PRKAR1B: variants seen among roughly 807,000 people sequenced by gnomAD.
PRKAR1B encodes the protein cAMP-dependent protein kinase type I-beta regulatory subunit.
In PRKAR1B, 22 loss-of-function variants were observed where a neutral mutation model predicts 46.5. The ratio of observed to expected loss-of-function variants is 0.47; its 90% confidence interval spans 0.34 to 0.68. PRKAR1B has a LOEUF of 0.68. Ranked by LOEUF, PRKAR1B falls within the 30% of genes least tolerant of loss-of-function variation. The probability of loss-of-function intolerance (pLI) is 0.01; values close to 1 mark genes in which losing one functional copy is unlikely to be tolerated. For synonymous variants in PRKAR1B, 259 were observed against 217.7 expected (o/e 1.19, Z -1.67); for missense variants, 445 against 535.6 (o/e 0.83, Z 1.67).
At chr7:684,868 T>TCATACAGA (rs1554303001) in intron 2 of PRKAR1B, among the ~76,000 whole-genome samples, 6 of 130,764 alleles carry the variant, frequency 4.6e-5, no homozygotes, top group African/African-American at 1.8e-4. Flanking sequence ...TCCACCCACT[T>TCATACAGA]CACACAGACA....
intron 9 of PRKAR1B, among the ~76,000 whole-genome samples, chr7:564,754 C>T (rs1342058510): frequency 6.6e-6 from 1 of 152,238 alleles, no homozygotes; most frequent in Non-Finnish European, 1.5e-5. Flanking sequence ...CCAGGACCAA[C>T]AGGCCCAGGG....
At chr7:553,486 C>T (rs1784377285) in intron 9 of PRKAR1B, among the ~76,000 whole-genome samples, 3 of 152,218 alleles carry the variant, frequency 2.0e-5, no homozygotes, top group African/African-American at 7.2e-5. Flanking sequence ...AGCTGAGGCC[C>T]AGGAAGGTGG....
Position 609,160 on chromosome 7 carries a change from CCGGTGGGGACATTTCCTGGCCA to C in PRKAR1B, c.441-1730_441-1709del, listed in dbSNP as rs1469445532. Among the ~76,000 whole-genome samples the C allele has an allele frequency of 1.1e-4, 16 of 152,266 alleles. No homozygotes were observed. In the East Asian group the frequency reaches 3.1e-3, roughly 29 times the overall value. On this transcript the variant is annotated intron_variant, in intron 4 of 10. Coordinates refer to ENST00000537384, the MANE Select transcript of PRKAR1B (RefSeq NM_001164760.2). ...CAGCCCCAGTCCCGGGCACCTGGCC[CCGGTGGGGACATTTCCTGGCCA>C]CGGCCTCCCTGGTGCACGCATCTGC...
intron 2 of PRKAR1B, among the ~76,000 whole-genome samples, chr7:693,424 C>CA (rs768890888): frequency 2.0e-5 from 3 of 151,934 alleles, no homozygotes; most frequent in Non-Finnish European, 4.4e-5. Flanking sequence ...CCCGCCCCAG[C>CA]CCCCGACAGC....
chr7:681,049 TC>T (rs1393541153), intron 2 of PRKAR1B, among the ~76,000 whole-genome samples: 23 of 152,224 alleles, frequency 1.5e-4, no homozygotes, highest in African/African-American at 5.1e-4. Flanking sequence ...TGGGGCAGTT[TC>T]CCCCTTGCTG....
intron 4 of PRKAR1B, among the ~76,000 whole-genome samples, chr7:652,178 AACAC>A (rs1468183456): frequency 7.8e-5 from 11 of 141,490 alleles, no homozygotes; most frequent in African/African-American, 2.8e-4. Flanking sequence ...CCCCTCTCGG[AACAC>A]AGTTCACACC....
At chr7:719,224 G>C (rs1328773307) in intron 1 of PRKAR1B, among the ~76,000 whole-genome samples, 2 of 151,920 alleles carry the variant, frequency 1.3e-5, no homozygotes. Flanking sequence ...ATTTTTAGTA[G>C]AGACGCGGTT....
intron 4 of PRKAR1B, among the ~76,000 whole-genome samples, chr7:630,570 C>T (rs1224567895): frequency 1.3e-5 from 2 of 152,184 alleles, no homozygotes; most frequent in African/African-American, 2.4e-5. Flanking sequence ...TGGTCTGAAC[C>T]TTTGTTCTAA....
chr7:626,116 A>C (rs145094950), intron 4 of PRKAR1B, among the ~76,000 whole-genome samples: 3,624 of 152,280 alleles, frequency 0.024, 174 homozygotes, highest in African/African-American at 0.083. Context: ...TAAAATTCAC[A>C]CAAGAAGCAA....
intron 9 of PRKAR1B, among the ~76,000 whole-genome samples, chr7:575,211 G>A (rs992859557): frequency 1.3e-5 from 2 of 152,208 alleles, no homozygotes; most frequent in African/African-American, 2.4e-5. Flanking sequence ...CCCAGCTGGC[G>A]GGACGTCCAA....
At chr7:574,489 G>C (rs1420376834) in intron 9 of PRKAR1B, among the ~76,000 whole-genome samples, 4 of 151,696 alleles carry the variant, frequency 2.6e-5, no homozygotes, top group African/African-American at 9.7e-5. Context: ...CTGTGGCCCA[G>C]GCTGGAGTAC....
In PRKAR1B at chr7:550,177, CGTGTGGGGAGGA is replaced by C. The variant is rs1784092519; in HGVS notation, c.*241_*252del. On this transcript the variant is annotated 3_prime_UTR_variant, in exon 11 of 11. Coordinates refer to ENST00000537384, the MANE Select transcript of PRKAR1B (RefSeq NM_001164760.2). ...AAGCCCACAGAGGCAGCCGGGGAGG[CGTGTGGGGAGGA>C]AGCTGGCCTGTCCCTTCCTTGATCT... 3 of 488,096 alleles carry C rather than the reference CGTGTGGGGAGGA, an allele frequency of 6.1e-6. No individual in the cohort carries two copies. The highest frequency in any genetic ancestry group is 3.6e-5 in the Admixed American group (1 of 27,518). The allele number at this position is 488,096 out of a possible 1,614,324, so 30.2% of individuals were successfully genotyped here. A position where few individuals can be genotyped will look rare whatever the true frequency, so the allele number is the denominator to read the frequency against.
intron 2 of PRKAR1B, among the ~76,000 whole-genome samples, chr7:697,468 G>A (rs779721307): frequency 5.3e-5 from 8 of 152,190 alleles, no homozygotes; most frequent in Non-Finnish European, 2.9e-5. Flanking sequence ...AACGGAGGGC[G>A]TCTAGGCTTC....
At chr7:565,377 C>A (rs974018856) in intron 9 of PRKAR1B, 12 of 152,244 alleles carry the variant, frequency 7.9e-5, no homozygotes, top group African/African-American at 2.9e-4. Flanking sequence ...GCAGCCACAG[C>A]CAGCTGCCAC....
At chr7:551,899 T>C (rs1442417348) in intron 9 of PRKAR1B, among the ~76,000 whole-genome samples, 29 of 19,958 alleles carry the variant, frequency 1.5e-3, no homozygotes, top group East Asian at 3.9e-3. Context: ...CAGGTCCTTC[T>C]CCAGAGCCAC....
chr7:631,971 C>G (rs1010319138), intron 4 of PRKAR1B, among the ~76,000 whole-genome samples: 4 of 150,846 alleles, frequency 2.7e-5, no homozygotes, highest in African/African-American at 9.7e-5. Flanking sequence ...AAAAAAGCAG[C>G]GGGAGGAGAG....
intron 4 of PRKAR1B, among the ~76,000 whole-genome samples, chr7:652,475 C>G (rs1392020742): frequency 6.6e-6 from 1 of 151,652 alleles, no homozygotes; most frequent in African/African-American, 2.4e-5. Context: ...CTGGGGAAAC[C>G]CCTCTCGGAA....
chr7:615,669 CA>C (rs547474752), intron 4 of PRKAR1B, among the ~76,000 whole-genome samples: 2 of 146,566 alleles, frequency 1.4e-5, no homozygotes, highest in Admixed American at 6.8e-5. Context: ...ACTAAAAATA[CA>C]AAAAAAAATT....
chr7:583,088 G>A (rs1780292319), intron 8 of PRKAR1B, among the ~76,000 whole-genome samples: 1 of 152,000 alleles, frequency 6.6e-6, no homozygotes, highest in African/African-American at 2.4e-5. Flanking sequence ...CGGCTCACAG[G>A]GACGGGGCTC....
Sources: allele counts gnomAD v4.1 joint callset (sites outside exome capture counted in the v4.1 genomes callset), GRCh38; gene constraint gnomAD v4.1.1; transcripts MANE v1.5; gene names NCBI Gene and HGNC (gene_info 2026-07-23, HGNC 2026-07-21).